TCF12: variants seen among roughly 807,000 people sequenced by gnomAD.
TCF12 encodes the protein DNA-binding protein HTF4.
In TCF12, 45 loss-of-function variants were observed where a neutral mutation model predicts 86.0. That is an observed-to-expected ratio of 0.52 (90% CI 0.41 to 0.67). TCF12 has a LOEUF of 0.67. TCF12 is among the 30% of genes least tolerant of loss of function. TCF12 has a pLI of 0.00. For missense variants in TCF12, 881 were observed against 859.9 expected (o/e 1.02, Z -0.31); for synonymous variants, 330 against 299.6 (o/e 1.10, Z -1.05).
At chr15:57,281,104 C>CTTTTTTTTTTTTTTT (rs5812880) in intron 19 of TCF12, among the ~76,000 whole-genome samples, 1 of 133,988 alleles carries the variant, frequency 7.5e-6, no homozygotes, top group Non-Finnish European at 1.6e-5. Context: ...GCACCCTATT[C>CTTTTTTTTTTTTTTT]TTTTTTTTTT....
intron 18 of TCF12, among the ~76,000 whole-genome samples, chr15:57,267,994 A>G (rs372538187): frequency 2.6e-5 from 4 of 152,190 alleles, no homozygotes; most frequent in Non-Finnish European, 5.9e-5. Context: ...TACTATATCT[A>G]CTGTTACAGT....
intron 8 of TCF12, among the ~76,000 whole-genome samples, chr15:57,228,249 A>G (rs1597457104): frequency 6.6e-6 from 1 of 152,066 alleles, no homozygotes; most frequent in Non-Finnish European, 1.5e-5. Context: ...ATAACATTGC[A>G]TCTATGTTTT....
At chr15:57,089,051 T>G (rs2048825118) in intron 4 of TCF12, among the ~76,000 whole-genome samples, 1 of 152,200 alleles carries the variant, frequency 6.6e-6, no homozygotes, top group South Asian at 2.1e-4. Flanking sequence ...CCCCAGTCCT[T>G]GAAGTGAAGT....
chr15:57,246,283 TC>T (rs1241735526), intron 13 of TCF12, among the ~76,000 whole-genome samples: 3 of 152,192 alleles, frequency 2.0e-5, no homozygotes, highest in African/African-American at 7.2e-5. Flanking sequence ...CCCAGTGTTT[TC>T]CTTGGGAACT....
chr15:56,958,109 G>A (rs918640659), intron 3 of TCF12, among the ~76,000 whole-genome samples: 2 of 152,086 alleles, frequency 1.3e-5, no homozygotes. Context: ...TCAAATGCAC[G>A]TGCCAGTTAG....
intron 16 of TCF12, among the ~76,000 whole-genome samples, chr15:57,256,545 C>A (rs978413766): frequency 7.3e-6 from 1 of 137,274 alleles, no homozygotes; most frequent in Admixed American, 7.3e-5. Flanking sequence ...GAATCGATTC[C>A]CCACCCCCAC....
chr15:57,230,040 C>T (rs1395627734), intron 8 of TCF12, among the ~76,000 whole-genome samples: 2 of 151,798 alleles, frequency 1.3e-5, no homozygotes, highest in African/African-American at 4.8e-5. Context: ...TGTAGAAGAA[C>T]ATAAAGTAAA....
chr15:57,055,753 A>G (rs955333903), intron 3 of TCF12, among the ~76,000 whole-genome samples: 5 of 151,914 alleles, frequency 3.3e-5, no homozygotes, highest in African/African-American at 4.8e-5. Context: ...CAGCTTGACT[A>G]TGTTGTGTCT....
intron 17 of TCF12, among the ~76,000 whole-genome samples, chr15:57,262,461 G>A (rs1414180309): frequency 6.6e-6 from 1 of 152,114 alleles, no homozygotes; most frequent in Non-Finnish European, 1.5e-5. Context: ...ACCTCTTCCT[G>A]TTCTGTCATG....
At position 57,289,615 on chromosome 15, in the gene TCF12, G is replaced by A. The variant is rs1480003218; in HGVS notation, c.*3470G>A. 6.6e-6 allele frequency: 1 copy of A among 151,882 alleles called. No individual in the cohort carries two copies. The highest frequency in any genetic ancestry group is 1.5e-5 in the Non-Finnish European group (1 of 67,988). 9.4% of individuals were successfully genotyped at this position (151,882 alleles called of 1,614,324 possible). On this transcript the variant is annotated 3_prime_UTR_variant, in exon 21 of 21. Coordinates refer to ENST00000333725, the MANE Select transcript of TCF12 (RefSeq NM_207037.2). ...TTAAACACACGTCGTGTGTGTGTGT[G>A]TGTGTGTGTCTGTGTGTGTGTGACT...
chr15:57,255,459 G>C (rs1451834109), intron 16 of TCF12, among the ~76,000 whole-genome samples: 3 of 152,120 alleles, frequency 2.0e-5, no homozygotes, highest in African/African-American at 7.2e-5. Flanking sequence ...AGGTCTGCCA[G>C]AGGTATTTTT....
chr15:57,224,895 C>G (rs937534164), intron 8 of TCF12, among the ~76,000 whole-genome samples: 56 of 152,036 alleles, frequency 3.7e-4, no homozygotes, highest in African/African-American at 1.3e-3. Flanking sequence ...TTTACTGGAA[C>G]TATCTAAATA....
At chr15:56,925,220 A>T (rs933315116) in intron 3 of TCF12, among the ~76,000 whole-genome samples, 16 of 151,216 alleles carry the variant, frequency 1.1e-4, no homozygotes, top group South Asian at 2.1e-4. Flanking sequence ...AAAAAAAACC[A>T]CAAACAAATG....
intron 13 of TCF12, chr15:57,247,023 C>T (rs2059896115): frequency 1.8e-6 from 1 of 546,128 alleles, no homozygotes; most frequent in Non-Finnish European, 3.6e-6. Context: ...GCTTCTTCCA[C>T]CAAAAGTGCC....
intron 3 of TCF12, among the ~76,000 whole-genome samples, chr15:56,949,189 A>G (rs554317232): frequency 6.6e-6 from 1 of 152,194 alleles, no homozygotes; most frequent in Non-Finnish European, 1.5e-5. Context: ...GACTTGTTGC[A>G]TTACTCTGTA....
chr15:57,008,617 T>G (rs1442841319), intron 3 of TCF12, among the ~76,000 whole-genome samples: 5 of 152,190 alleles, frequency 3.3e-5, no homozygotes, highest in Non-Finnish European at 7.3e-5. Context: ...CATTAGTTTA[T>G]TGAAGTCCTT....
chr15:57,235,490 C>A (rs1368232365), intron 12 of TCF12, among the ~76,000 whole-genome samples: 1 of 152,150 alleles, frequency 6.6e-6, no homozygotes. Context: ...CTGCATACAT[C>A]CAGAAAGTGC....
chr15:57,246,473 C>T (rs1320566526), intron 13 of TCF12, among the ~76,000 whole-genome samples: 3 of 152,086 alleles, frequency 2.0e-5, no homozygotes, highest in East Asian at 3.9e-4. Flanking sequence ...TGTCAGGGCT[C>T]CTGCTCTACT....
rs144895506 is a variant in TCF12 at position 56,994,823 on chromosome 15, T to C, written c.149-68927T>C. ...CTAAAAGAATTGCTAAAAGATGTTCTTAAGACAAAAGGGAAATTTATATCA... is the reference window on the plus strand; with the variant it reads ...CTAAAAGAATTGCTAAAAGATGTTCCTAAGACAAAAGGGAAATTTATATCA... On this transcript the variant is annotated intron_variant, in intron 3 of 20. Transcript: ENST00000333725. Among the ~76,000 whole-genome samples, 31 of 152,246 alleles carry C rather than the reference T, an allele frequency of 2.0e-4. No homozygotes were observed. In the East Asian group the frequency reaches 5.8e-3, roughly 28 times the overall value.
Sources: allele counts gnomAD v4.1 joint callset (sites outside exome capture counted in the v4.1 genomes callset), GRCh38; gene constraint gnomAD v4.1.1; transcripts MANE v1.5; gene names NCBI Gene and HGNC (gene_info 2026-07-23, HGNC 2026-07-21).